Variants in ARL6IP5 observed in about 807,000 individuals in gnomAD.
The protein encoded by ARL6IP5 is PRA1 family protein 3.
Under a neutral mutation model 13.0 loss-of-function variants are expected in ARL6IP5, and 6 were observed. The ratio of observed to expected loss-of-function variants is 0.46; its 90% CI spans 0.25 to 0.91. The LOEUF (loss-of-function observed/expected upper bound fraction) is 0.91. Ranked by LOEUF, ARL6IP5 falls within the 40% of genes least tolerant of loss-of-function variation. ARL6IP5 has a pLI of 0.17. For missense variants in ARL6IP5, 208 were observed against 248.8 expected, an observed-to-expected ratio of 0.84 and a Z score of 1.10; for synonymous variants, 91 against 91.9, an observed-to-expected ratio of 0.99 and a Z score of 0.06.
intron 1 of ARL6IP5, among the ~76,000 whole-genome samples, chr3:69,088,273 A>G (rs2107510240): frequency 6.6e-6 from 1 of 152,348 alleles, no homozygotes; most frequent in East Asian, 1.9e-4. Flanking sequence ...TGGGTAGGTC[A>G]GAGCAGTGCT....
At chr3:69,097,412 G>A (rs1035390517) in intron 1 of ARL6IP5, among the ~76,000 whole-genome samples, 2 of 151,222 alleles carry the variant, frequency 1.3e-5, no homozygotes, top group Non-Finnish European at 2.9e-5. Context: ...GGGCTCAAGC[G>A]ATGCATCCGC....
At chr3:69,091,576 C>T (rs60789715) in intron 1 of ARL6IP5, among the ~76,000 whole-genome samples, 44,569 of 151,112 alleles carry the variant, frequency 0.29, 6,654 homozygotes, top group African/African-American at 0.36. Flanking sequence ...GGATGACAGG[C>T]GAGAGGTATG....
intron 1 of ARL6IP5, among the ~76,000 whole-genome samples, chr3:69,098,810 A>G (rs2092295463): frequency 6.6e-6 from 1 of 152,180 alleles, no homozygotes; most frequent in Non-Finnish European, 1.5e-5. Flanking sequence ...ATATTATTAA[A>G]TGCACTTCAA....
At chr3:69,099,603 T>C (rs986505532) in intron 1 of ARL6IP5, among the ~76,000 whole-genome samples, 2 of 152,192 alleles carry the variant, frequency 1.3e-5, no homozygotes, top group Non-Finnish European at 2.9e-5. Flanking sequence ...TGAAAAAGAA[T>C]TGTATTTATC....
chr3:69,092,922 A>G (rs1043462959), intron 1 of ARL6IP5, among the ~76,000 whole-genome samples: 1 of 152,126 alleles, frequency 6.6e-6, no homozygotes, highest in African/African-American at 2.4e-5. Flanking sequence ...TGTTAAGAGT[A>G]ACCATGGGTT....
intron 1 of ARL6IP5, among the ~76,000 whole-genome samples, chr3:69,100,597 T>G (rs1473558154): frequency 6.6e-6 from 1 of 151,974 alleles, no homozygotes; most frequent in African/African-American, 2.4e-5. Context: ...CTGGCCAACA[T>G]GGCAAAATCC....
At chr3:69,091,135 T>A (rs1327220183) in intron 1 of ARL6IP5, among the ~76,000 whole-genome samples, 1 of 151,970 alleles carries the variant, frequency 6.6e-6, no homozygotes, top group African/African-American at 2.4e-5. Flanking sequence ...GAGGCGGAGG[T>A]TGCAATGAGC....
chr3:69,104,036 G>A (rs1446901363), intron 2 of ARL6IP5, among the ~76,000 whole-genome samples: 1 of 152,158 alleles, frequency 6.6e-6, no homozygotes, highest in East Asian at 1.9e-4. Flanking sequence ...TTACTCACGT[G>A]CTCCTGCAGG....
rs1283813626 is a variant in ARL6IP5, at chr3:69,101,962, G to C, written c.300G>C (p.Thr100=). ...LRRMKKRYPT[T]FVMVVMLASY... is the part of the protein sequence containing the mutation. ...GGATGAAGAAGCGCTACCCCACGACGTTCGTTATGGTGGTCATGTTGGCGA... is the reference window on the plus strand; with the variant it reads ...GGATGAAGAAGCGCTACCCCACGACCTTCGTTATGGTGGTCATGTTGGCGA... The change falls in exon 2 of 3, where the codon ACG becomes ACC. Residue 100 remains threonine (T), a synonymous_variant. Transcript: ENST00000273258. 6.2e-7 allele frequency: 1 copy of C among 1,613,930 alleles called. No individual in the cohort carries two copies. The highest frequency in any genetic ancestry group is 1.1e-5 in the South Asian group (1 of 91,080).
At chr3:69,098,383 A>G (rs2092293851) in intron 1 of ARL6IP5, among the ~76,000 whole-genome samples, 1 of 151,602 alleles carries the variant, frequency 6.6e-6, no homozygotes, top group African/African-American at 2.4e-5. Flanking sequence ...AGCTGAGATT[A>G]CAGGCTCCCG....
At chr3:69,091,702 G>C (rs1387996540) in intron 1 of ARL6IP5, among the ~76,000 whole-genome samples, 1 of 127,562 alleles carries the variant, frequency 7.8e-6, no homozygotes, top group Admixed American at 8.5e-5. Flanking sequence ...TTTGGCCTTT[G>C]GTTGGTAGTT....
rs1489988101 is a variant in ARL6IP5 at position 69,105,674 on chromosome 3, T to C, written c.*1038T>C. 6.6e-6 allele frequency: 1 copy of C among 152,268 alleles called. No individual in the cohort carries two copies. The highest frequency in any genetic ancestry group is 1.5e-5 in the Non-Finnish European group (1 of 68,048). The allele number at this position is 152,268 out of a possible 1,614,324, so 9.4% of individuals were successfully genotyped here. A position where few individuals can be genotyped will look rare whatever the true frequency, so the allele number is the denominator to read the frequency against. On this transcript the variant is annotated 3_prime_UTR_variant, in exon 3 of 3. Transcript: ENST00000273258. ...AATAAAAAATTTTAGATAGCAATTG[T>C]TACAACCATATGCCTTTATAGCTAG...
intron 1 of ARL6IP5, among the ~76,000 whole-genome samples, chr3:69,100,502 G>C (rs1194897243): frequency 6.6e-6 from 1 of 152,098 alleles, no homozygotes; most frequent in Non-Finnish European, 1.5e-5. Flanking sequence ...ATTAGACTGG[G>C]CATGGTGTGG....
chr3:69,096,549 A>G (rs115261552), intron 1 of ARL6IP5, among the ~76,000 whole-genome samples: 1,781 of 150,984 alleles, frequency 0.012, 31 homozygotes, highest in African/African-American at 0.041. Context: ...TTGAATTTCA[A>G]TCCTCCATTT....
chr3:69,104,339 G>T (rs1460693195), intron 2 of ARL6IP5, 125 bp from the exon 3 acceptor site: 3 of 929,980 alleles, frequency 3.2e-6, no homozygotes, highest in Non-Finnish European at 4.9e-6. Context: ...GCATCAATTC[G>T]AGAAGCAGAC....
chr3:69,098,406 A>G (rs1044377996), intron 1 of ARL6IP5, among the ~76,000 whole-genome samples: 12 of 151,874 alleles, frequency 7.9e-5, no homozygotes, highest in African/African-American at 2.7e-4. Context: ...ACCGAGCCCA[A>G]CTAATTTTTT....
chr3:69,096,597 CTTTTTTTTTTT>C (rs11291168), intron 1 of ARL6IP5, among the ~76,000 whole-genome samples: 27 of 69,578 alleles, frequency 3.9e-4, no homozygotes, highest in African/African-American at 1.6e-3. Context: ...TTTTGCTTTG[CTTTTTTTTTTT>C]TTTTTTTTTT....
chr3:69,102,259 G>T, intron 2 of ARL6IP5: 1 of 598,372 alleles, frequency 1.7e-6, no homozygotes, highest in Non-Finnish European at 2.9e-6. Context: ...AGGCCTTATA[G>T]TTCATTAATT....
Position 69,102,015 on chromosome 3 carries a change from G to A in ARL6IP5, c.353G>A (p.Gly118Glu). The change falls in exon 2 of 3, where the codon GGA (glycine) becomes GAA (glutamate). Residue 118 changes from glycine (G) to glutamate (E), a missense_variant. Transcript: ENST00000273258. ...ASYFLISMFG[G>E]VMVFVFGITF... ...TATTTCCTTATCTCCATGTTTGGAG[G>A]AGTCATGGTCTTTGTGTTTGGCATT... The A allele has an allele frequency of 1.9e-6, 3 of 1,614,108 alleles. No homozygotes were observed.
Sources: allele counts gnomAD v4.1 joint callset (sites outside exome capture counted in the v4.1 genomes callset), GRCh38; gene constraint gnomAD v4.1.1; transcripts MANE v1.5; gene names NCBI Gene and HGNC (gene_info 2026-07-23, HGNC 2026-07-21).